Variants in ASAP1 observed in about 807,000 individuals in gnomAD.
ASAP1 encodes ArfGAP with SH3 domain, ankyrin repeat and PH domain 1.
Under a neutral mutation model 145.2 loss-of-function variants are expected in ASAP1, and 43 were observed. The ratio of observed to expected loss-of-function variants is 0.30; its 90% CI spans 0.23 to 0.38. The LOEUF (loss-of-function observed/expected upper bound fraction) is 0.38. ASAP1 is among the 10% of genes least tolerant of loss of function. The pLI, the probability that ASAP1 is intolerant of heterozygous loss-of-function variation, is 1.00. For synonymous variants in ASAP1, 546 were observed against 515.5 expected (o/e 1.06, Z -0.80); for missense variants, 1,018 against 1,355.3 (o/e 0.75, Z 3.91).
At chr8:130,266,531 T>G (rs577350431) in intron 3 of ASAP1, among the ~76,000 whole-genome samples, 13 of 152,232 alleles carry the variant, frequency 8.5e-5, no homozygotes, top group African/African-American at 2.9e-4. Context: ...AAAACCACTC[T>G]GGAAGGTAAT....
intron 3 of ASAP1, among the ~76,000 whole-genome samples, chr8:130,248,549 T>C (rs1818999276): frequency 1.3e-5 from 2 of 151,970 alleles, no homozygotes; most frequent in Admixed American, 6.6e-5. Flanking sequence ...CTGGAGGCCG[T>C]AGTTTGGCCA....
At position 130,159,936 on chromosome 8, in the gene ASAP1, C is replaced by T; in HGVS notation, c.938G>A (p.Ser313Asn). 10 of 1,614,106 alleles carry T rather than the reference C, an allele frequency of 6.2e-6. No homozygotes were observed. The highest frequency in any genetic ancestry group is 8.5e-6 in the Non-Finnish European group (10 of 1,179,998). The change falls in exon 12 of 30, where the codon AGC becomes AAC. Residue 313 changes from serine (S) to asparagine (N), a missense_variant. Around this residue, in one of 9 missense-constraint regions of ASAP1, gnomAD observed 27 missense variants for 88.2 expected, o/e 0.31. Coordinates refer to ENST00000518721, the MANE Select transcript of ASAP1 (RefSeq NM_018482.4). ...CTTATTGCCCTGGAGCTGATGCATG[C>T]TGTATCCTCCTTGCCGGCTCTGAGA... The part of the protein sequence containing the change: ...EDSQSRQGGY[S>N]MHQLQGNKEY...
intron 3 of ASAP1, among the ~76,000 whole-genome samples, chr8:130,268,699 G>A (rs1820416009): frequency 6.6e-6 from 1 of 152,134 alleles, no homozygotes; most frequent in South Asian, 2.1e-4. Context: ...GGGATGGTAG[G>A]TGATCTTTTC....
At chr8:130,335,048 C>T (rs186566412) in intron 3 of ASAP1, among the ~76,000 whole-genome samples, 138 of 152,290 alleles carry the variant, frequency 9.1e-4, no homozygotes, top group African/African-American at 1.5e-3. Flanking sequence ...GGGTATGAGA[C>T]GGATTAACGA....
intron 12 of ASAP1, among the ~76,000 whole-genome samples, chr8:130,153,355 A>ATG (rs1554834324): frequency 6.4e-4 from 30 of 47,192 alleles, no homozygotes; most frequent in African/African-American, 8.5e-4. Context: ...ATATATATAT[A>ATG]TATGTATATA....
rs746386440 is a variant in ASAP1, at chr8:130,080,074, C to T, written c.2573-103G>A. On this transcript the variant is annotated intron_variant, in intron 25 of 29. Transcript: ENST00000518721. Reference sequence around the variant, plus strand: ...GACAGGCATTGCTCAGGTTCCAGAACGGCATTTAAAAGACCCAAGCCAAAA... The same window carrying T: ...GACAGGCATTGCTCAGGTTCCAGAATGGCATTTAAAAGACCCAAGCCAAAA... 1.7e-4 allele frequency: 182 copies of T among 1,083,786 alleles called. 1 individual carries two copies. Among genetic ancestry groups the T allele is most frequent in the Non-Finnish European group, 2.3e-4 (166 of 716,806 alleles). 67.1% of individuals were successfully genotyped at this position (1,083,786 alleles called of 1,614,324 possible). A position where few individuals can be genotyped will look rare whatever the true frequency, so the allele number is the denominator to read the frequency against.
At chr8:130,162,144 T>TA (rs1586481382) in intron 11 of ASAP1, among the ~76,000 whole-genome samples, 1 of 152,190 alleles carries the variant, frequency 6.6e-6, no homozygotes, top group East Asian at 1.9e-4. Context: ...AATTCTATAG[T>TA]AATGTGGTTC....
intron 2 of ASAP1, among the ~76,000 whole-genome samples, chr8:130,373,880 T>G (rs1827349808): frequency 1.4e-5 from 2 of 142,446 alleles, no homozygotes. Context: ...AAGATAAACC[T>G]GTGTAATAAA....
chr8:130,301,867 C>T (rs1822692013), intron 3 of ASAP1, among the ~76,000 whole-genome samples: 1 of 152,170 alleles, frequency 6.6e-6, no homozygotes, highest in East Asian at 1.9e-4. Context: ...CTCATTCTTT[C>T]TGCAATTCTA....
At chr8:130,275,720 T>A (rs753523236) in intron 3 of ASAP1, among the ~76,000 whole-genome samples, 1 of 152,186 alleles carries the variant, frequency 6.6e-6, no homozygotes, top group Admixed American at 6.5e-5. Flanking sequence ...AAATCTATTA[T>A]ATTTTCTAAA....
At chr8:130,193,284 G>A (rs374623731) in intron 5 of ASAP1, among the ~76,000 whole-genome samples, 42 of 151,936 alleles carry the variant, frequency 2.8e-4, no homozygotes, top group African/African-American at 9.4e-4. Flanking sequence ...CAGGAGAATC[G>A]CCTGAACCTG....
rs570695389 is a variant in ASAP1 at position 130,274,450 on chromosome 8, G to T, written c.187-37456C>A. On this transcript the variant is annotated intron_variant, in intron 3 of 29. Coordinates refer to ENST00000518721, the MANE Select transcript of ASAP1 (RefSeq NM_018482.4). ...ATAGCTGGTAAAGAACCAGGCTGAA[G>T]AATCAAACAGCTGTGGTTTATGGTC... Among the ~76,000 whole-genome samples, 4 of 152,286 alleles carry T rather than the reference G, an allele frequency of 2.6e-5. No homozygotes were observed. In the East Asian group the frequency reaches 5.8e-4, roughly 22 times the overall value.
chr8:130,197,390 T>C (rs1442446975), intron 5 of ASAP1, among the ~76,000 whole-genome samples: 3 of 152,038 alleles, frequency 2.0e-5, no homozygotes, highest in Non-Finnish European at 2.9e-5. Flanking sequence ...GATCATGCCA[T>C]TGCGCTCCAG....
At chr8:130,151,037 T>C (rs2097645136) in intron 13 of ASAP1, among the ~76,000 whole-genome samples, 1 of 152,106 alleles carries the variant, frequency 6.6e-6, no homozygotes, top group South Asian at 2.1e-4. Flanking sequence ...GCATCTTTGA[T>C]GCCTACACCA....
At chr8:130,082,877 G>C (rs1052390243) in intron 25 of ASAP1, 4 of 151,906 alleles carry the variant, frequency 2.6e-5, no homozygotes, top group African/African-American at 9.7e-5. Flanking sequence ...TTTCTTTCTA[G>C]CACTGTGCTC....
rs142801612 is a variant in ASAP1, at chr8:130,375,780, G to A, written c.60-17637C>T. On this transcript the variant is annotated intron_variant, in intron 2 of 29. Coordinates refer to ENST00000518721, the MANE Select transcript of ASAP1 (RefSeq NM_018482.4). Reference sequence around the variant, plus strand: ...TGGCATAAGATGTTCCCCACCTTATGCACAAGGAAATTGAGGCACAGAGAG... The same window carrying A: ...TGGCATAAGATGTTCCCCACCTTATACACAAGGAAATTGAGGCACAGAGAG... Among the ~76,000 whole-genome samples, 462 of 152,214 alleles carry A rather than the reference G, an allele frequency of 3.0e-3. 3 individuals are homozygous for A. The highest frequency in any genetic ancestry group is 9.4e-3 in the African/African-American group (391 of 41,524).
At chr8:130,114,387 G>A (rs1374601224) in intron 23 of ASAP1, among the ~76,000 whole-genome samples, 3 of 152,038 alleles carry the variant, frequency 2.0e-5, no homozygotes, top group Non-Finnish European at 1.5e-5. Context: ...ACATAGAAGA[G>A]GTAAAATAAA....
chr8:130,175,787 A>C (rs1167043503), intron 9 of ASAP1, among the ~76,000 whole-genome samples: 2 of 152,200 alleles, frequency 1.3e-5, no homozygotes, highest in Non-Finnish European at 2.9e-5. Context: ...TCTGAGCTAC[A>C]ACTTCTTGAG....
intron 1 of ASAP1, among the ~76,000 whole-genome samples, chr8:130,418,035 G>C (rs1829560517): frequency 6.6e-6 from 1 of 152,200 alleles, no homozygotes; most frequent in African/African-American, 2.4e-5. Flanking sequence ...AAGACCCACA[G>C]ACCAAGGGAG....
Sources: gnomAD v4.1 joint callset for allele counts (sites outside exome capture counted in the v4.1 genomes callset) on GRCh38, gnomAD v4.1.1 for gene constraint, gnomAD v4.1.1 regional missense constraint, MANE v1.5 for transcripts, NCBI Gene and HGNC (gene_info 2026-07-23, HGNC 2026-07-21) for gene names.